STXBP6: variants seen among roughly 807,000 people sequenced by gnomAD.
The protein encoded by STXBP6 is syntaxin binding protein 6, also known as syntaxin-binding protein 6.
STXBP6 carries 21 observed loss-of-function variants against 26.9 expected under a neutral mutation model. The ratio of observed to expected loss-of-function variants is 0.78; its 90% CI spans 0.55 to 1.12. The LOEUF is 1.12. STXBP6 is among the 50% of genes most tolerant of loss of function. The pLI is 0.00. For synonymous variants in STXBP6, 97 were observed against 92.6 expected, an observed-to-expected ratio of 1.05 and a Z score of -0.27; for missense variants, 232 against 257.9, an observed-to-expected ratio of 0.90 and a Z score of 0.69.
At chr14:24,927,335 A>C (rs2072213996) in intron 2 of STXBP6, among the ~76,000 whole-genome samples, 1 of 152,142 alleles carries the variant, frequency 6.6e-6, no homozygotes, top group Non-Finnish European at 1.5e-5. Flanking sequence ...CTGAAATGTT[A>C]ATCTTTGGTT....
intron 4 of STXBP6, among the ~76,000 whole-genome samples, chr14:24,822,913 C>T (rs1450964678): frequency 6.6e-6 from 1 of 152,092 alleles, no homozygotes; most frequent in Non-Finnish European, 1.5e-5. Context: ...AAATAGGATG[C>T]CTAACTCAAA....
At chr14:24,885,553 AC>A (rs2070549894) in intron 2 of STXBP6, among the ~76,000 whole-genome samples, 1 of 152,188 alleles carries the variant, frequency 6.6e-6, no homozygotes, top group African/African-American at 2.4e-5. Flanking sequence ...AGCAAACATG[AC>A]CCAAATCATT....
At chr14:24,870,373 C>A (rs989473863) in intron 2 of STXBP6, among the ~76,000 whole-genome samples, 1 of 152,088 alleles carries the variant, frequency 6.6e-6, no homozygotes, top group Non-Finnish European at 1.5e-5. Context: ...TTCTGTTCAG[C>A]CTATTACACC....
chr14:25,036,855 C>CAAAAAAA (rs549439602), intron 1 of STXBP6, among the ~76,000 whole-genome samples: 5 of 62,332 alleles, frequency 8.0e-5, no homozygotes, highest in African/African-American at 1.6e-4. Context: ...GACTCCGTCT[C>CAAAAAAA]AAAAAAAAAA....
chr14:24,954,683 G>A (rs557541783), intron 2 of STXBP6, among the ~76,000 whole-genome samples: 1 of 152,310 alleles, frequency 6.6e-6, no homozygotes, highest in South Asian at 2.1e-4. Context: ...ATTTAGGACT[G>A]GGCAGGACAT....
At chr14:24,814,267 A>G (rs1040960915) in intron 5 of STXBP6, among the ~76,000 whole-genome samples, 3 of 152,248 alleles carry the variant, frequency 2.0e-5, no homozygotes, top group Non-Finnish European at 4.4e-5. Flanking sequence ...GCTCTAGCTC[A>G]GATCTGTACC....
At chr14:24,995,570 A>C (rs950556181) in intron 1 of STXBP6, among the ~76,000 whole-genome samples, 1 of 152,210 alleles carries the variant, frequency 6.6e-6, no homozygotes, top group Admixed American at 6.5e-5. Flanking sequence ...GCACAGCAGA[A>C]ATTTTAAAGA....
intron 2 of STXBP6, among the ~76,000 whole-genome samples, chr14:24,881,254 C>T (rs1004547638): frequency 2.6e-5 from 4 of 152,104 alleles, no homozygotes; most frequent in Non-Finnish European, 5.9e-5. Flanking sequence ...CTTGGAACTC[C>T]ACTACTTCCT....
In STXBP6 at chr14:24,884,255, C is replaced by T. The variant is rs567495700; in HGVS notation, c.155-27098G>A. Among the ~76,000 whole-genome samples, 3 of 152,314 alleles carry T rather than the reference C, an allele frequency of 2.0e-5. No homozygotes were observed. The South Asian group carries it at 6.2e-4, about 32-fold the overall frequency. On this transcript the variant is annotated intron_variant, in intron 2 of 5. Coordinates refer to ENST00000323944, the MANE Select transcript of STXBP6 (RefSeq NM_001394410.1). The stretch of plus-strand genomic sequence containing the variant: ...TAGAGAAAAACTAGAACAATTTCCT[C>T]TTGTCAAAACACATTCATATCTTCA...
intron 2 of STXBP6, among the ~76,000 whole-genome samples, chr14:24,880,707 A>G: frequency 6.6e-6 from 1 of 152,242 alleles, no homozygotes; most frequent in Admixed American, 6.5e-5. Context: ...TTAAATGACC[A>G]AATACAAAAA....
At chr14:24,868,024 C>T (rs1367170786) in intron 2 of STXBP6, among the ~76,000 whole-genome samples, 1 of 152,018 alleles carries the variant, frequency 6.6e-6, no homozygotes, top group African/African-American at 2.4e-5. Context: ...TGGTGAAACC[C>T]TGTCTCTACA....
intron 4 of STXBP6, among the ~76,000 whole-genome samples, chr14:24,829,421 T>C (rs1018036419): frequency 1.3e-5 from 2 of 152,174 alleles, no homozygotes; most frequent in African/African-American, 4.8e-5. Flanking sequence ...TCAAATTATG[T>C]TTAGTAGAAA....
At chr14:24,914,730 A>G (rs2071698950) in intron 2 of STXBP6, among the ~76,000 whole-genome samples, 1 of 152,196 alleles carries the variant, frequency 6.6e-6, no homozygotes, top group Admixed American at 6.6e-5. Context: ...TAAGATGCAC[A>G]TCAGAAAAAT....
chr14:25,007,898 C>CCAAATAAACTGAGAATGGACAAT (rs1411534175), intron 1 of STXBP6, among the ~76,000 whole-genome samples: 1 of 152,146 alleles, frequency 6.6e-6, no homozygotes, highest in East Asian at 1.9e-4. Flanking sequence ...CTTAAAGTCT[C>CCAAATAAACTGAGAATGGACAAT]CAAATAAACT....
intron 2 of STXBP6, among the ~76,000 whole-genome samples, chr14:24,950,891 C>A (rs114971610): frequency 1.3e-5 from 2 of 152,250 alleles, no homozygotes; most frequent in South Asian, 2.1e-4. Context: ...ATCCCTCCCC[C>A]AGTCCCCTTC....
intron 2 of STXBP6, among the ~76,000 whole-genome samples, chr14:24,867,495 C>T (rs2069765386): frequency 6.6e-6 from 1 of 152,262 alleles, no homozygotes; most frequent in South Asian, 2.1e-4. Flanking sequence ...CTGGAAAGAC[C>T]TGTACATATG....
intron 2 of STXBP6, among the ~76,000 whole-genome samples, chr14:24,873,643 G>A (rs1253392485): frequency 2.0e-5 from 3 of 152,194 alleles, no homozygotes; most frequent in African/African-American, 7.2e-5. Flanking sequence ...GGAAGTACGG[G>A]AAAGGTCAGT....
intron 2 of STXBP6, among the ~76,000 whole-genome samples, chr14:24,930,438 C>T (rs1323853634): frequency 6.6e-6 from 1 of 152,144 alleles, no homozygotes; most frequent in Non-Finnish European, 1.5e-5. Flanking sequence ...GTATGATGTC[C>T]TTGAAAAGAA....
intron 5 of STXBP6, chr14:24,817,997 C>T (rs757243946): frequency 4.4e-5 from 20 of 454,562 alleles, no homozygotes; most frequent in Non-Finnish European, 7.5e-5. Flanking sequence ...AAGAGGTCAC[C>T]GCAACTCAGC....
Sources: allele counts gnomAD v4.1 joint callset (sites outside exome capture counted in the v4.1 genomes callset), GRCh38; gene constraint gnomAD v4.1.1; transcripts MANE v1.5; gene names NCBI Gene and HGNC (gene_info 2026-07-23, HGNC 2026-07-21).